Variants in ZNF385D observed in about 807,000 individuals in gnomAD.
ZNF385D encodes the protein zinc finger protein 659.
ZNF385D carries 15 observed loss-of-function variants against 35.8 expected under a neutral mutation model. The ratio of observed to expected loss-of-function variants is 0.42; its 90% CI spans 0.28 to 0.64. ZNF385D has a LOEUF of 0.64. ZNF385D is among the 30% of genes least tolerant of loss of function. ZNF385D has a pLI of 0.23. For synonymous variants in ZNF385D, 212 were observed against 186.8 expected (o/e 1.13, Z -1.10); for missense variants, 474 against 494.6 (o/e 0.96, Z 0.39).
chr3:21,921,997 G>C (rs184531923), intron 3 of ZNF385D, among the ~76,000 whole-genome samples: 1 of 152,116 alleles, frequency 6.6e-6, no homozygotes. Flanking sequence ...CTCATGTTAT[G>C]AAGGCACCAT....
chr3:21,865,804 T>G (rs1697316458), intron 3 of ZNF385D, among the ~76,000 whole-genome samples: 1 of 152,134 alleles, frequency 6.6e-6, no homozygotes, highest in African/African-American at 2.4e-5. Context: ...CTAGTTACTA[T>G]ATTCAAATGT....
In ZNF385D at chr3:22,181,405, T is replaced by C. The variant is rs756626674; in HGVS notation, c.107-12370A>G. 3.3e-5 allele frequency among the ~76,000 whole-genome samples: 5 copies of C among 151,870 alleles called. No homozygotes were observed. The South Asian group carries it at 1.0e-3, about 32-fold the overall frequency. ...GTAACTAGCTTCTACCAATAGAATA[T>C]GGTAAAGGTGGCCGGGCGCGGTGTC... On this transcript the variant is annotated intron_variant, in intron 2 of 5. Transcript: ENST00000494108.
intron 3 of ZNF385D, among the ~76,000 whole-genome samples, chr3:22,120,896 G>A (rs995890645): frequency 2.0e-5 from 3 of 152,114 alleles, no homozygotes; most frequent in Non-Finnish European, 1.5e-5. Context: ...TTTAATGGCA[G>A]AAGAGAACTT....
intron 3 of ZNF385D, among the ~76,000 whole-genome samples, chr3:22,059,881 A>G (rs1699604864): frequency 6.6e-6 from 1 of 152,194 alleles, no homozygotes; most frequent in African/African-American, 2.4e-5. Context: ...GACTCAGTAG[A>G]CTGAATAAAG....
chr3:22,099,639 G>A (rs1338186401), intron 3 of ZNF385D, among the ~76,000 whole-genome samples: 2 of 152,038 alleles, frequency 1.3e-5, no homozygotes, highest in African/African-American at 4.8e-5. Context: ...TGTGCCCACA[G>A]AGAATAAATG....
intron 2 of ZNF385D, among the ~76,000 whole-genome samples, chr3:22,205,366 A>C (rs181491778): frequency 9.2e-5 from 14 of 152,130 alleles, no homozygotes; most frequent in African/African-American, 3.1e-4. Flanking sequence ...AAGAAATGCT[A>C]TAAGAAGTTC....
chr3:21,527,285 G>C (rs1474419402), intron 3 of ZNF385D, among the ~76,000 whole-genome samples: 1 of 152,112 alleles, frequency 6.6e-6, no homozygotes, highest in Non-Finnish European at 1.5e-5. Context: ...TTCTTCATTT[G>C]ACGAAGATTT....
At chr3:21,819,019 G>T (rs1275295674) in intron 3 of ZNF385D, among the ~76,000 whole-genome samples, 2 of 151,918 alleles carry the variant, frequency 1.3e-5, no homozygotes, top group Non-Finnish European at 2.9e-5. Context: ...AAATTATTAT[G>T]AAGCAATTGA....
intron 2 of ZNF385D, among the ~76,000 whole-genome samples, chr3:22,301,728 G>T (rs955203850): frequency 2.6e-5 from 4 of 151,984 alleles, no homozygotes; most frequent in African/African-American, 9.7e-5. Context: ...GTGTCTGCAG[G>T]AAGCCATTAT....
intron 4 of ZNF385D, among the ~76,000 whole-genome samples, chr3:21,483,170 C>T (rs565336673): frequency 1.3e-5 from 2 of 152,220 alleles, no homozygotes; most frequent in South Asian, 2.1e-4. Flanking sequence ...ACCTCCAACC[C>T]TAAATCCTGG....
chr3:21,977,697 C>T (rs978873198), intron 3 of ZNF385D, among the ~76,000 whole-genome samples: 10 of 151,722 alleles, frequency 6.6e-5, no homozygotes, highest in African/African-American at 2.2e-4. Context: ...AATTAGCTGG[C>T]ATGGTGGGGC....
At chr3:21,726,073 A>G (rs753738990) in intron 1 of ZNF385D, among the ~76,000 whole-genome samples, 1 of 152,184 alleles carries the variant, frequency 6.6e-6, no homozygotes, top group Non-Finnish European at 1.5e-5. Flanking sequence ...CCAATGACAA[A>G]AACCACATGA....
rs113377602 is a variant in ZNF385D, at chr3:22,271,201, G to C, written c.106+101249C>G. ...TCATAATACATTGAGCATTGTCTTT[G>C]AGCTATTATAGTCAGGAGACAGCAA... is the stretch of plus-strand genomic sequence containing the variant. On this transcript the variant is annotated intron_variant, in intron 2 of 5. Transcript: ENST00000494108. 3.4e-3 allele frequency among the ~76,000 whole-genome samples: 491 copies of C among 143,332 alleles called. 3 individuals are homozygous for C. The Middle Eastern group carries it at 0.036, about 11-fold the overall frequency. 94.0% of individuals were successfully genotyped at this position (143,332 alleles called of 152,430 possible).
At chr3:22,159,507 C>A (rs932717641) in intron 3 of ZNF385D, among the ~76,000 whole-genome samples, 6 of 151,964 alleles carry the variant, frequency 3.9e-5, no homozygotes, top group African/African-American at 1.5e-4. Context: ...CAGGGTTTCT[C>A]AGGGACAGAG....
intron 2 of ZNF385D, among the ~76,000 whole-genome samples, chr3:22,252,889 G>A (rs1700133308): frequency 6.6e-6 from 1 of 152,074 alleles, no homozygotes; most frequent in Non-Finnish European, 1.5e-5. Flanking sequence ...CTGTAAAAAT[G>A]TTCCTTACTC....
upstream of ZNF385D, among the ~76,000 whole-genome samples, chr3:21,751,624 T>C (rs561037895): frequency 2.6e-5 from 4 of 152,178 alleles, no homozygotes; most frequent in Non-Finnish European, 4.4e-5. Flanking sequence ...GGGTTTGTTG[T>C]TATTTTTTGT....
intron 3 of ZNF385D, among the ~76,000 whole-genome samples, chr3:21,817,841 T>C (rs1486762646): frequency 6.6e-6 from 1 of 152,174 alleles, no homozygotes; most frequent in Non-Finnish European, 1.5e-5. Context: ...TCCAAAGGAT[T>C]ATACGTAAAT....
chr3:21,651,555 C>T (rs1453333571), intron 2 of ZNF385D, among the ~76,000 whole-genome samples: 1 of 147,292 alleles, frequency 6.8e-6, no homozygotes, highest in Non-Finnish European at 1.5e-5. Context: ...TTGGTAGTGA[C>T]GGTGGTGAAG....
At chr3:21,842,282 C>A (rs1695730542) in intron 3 of ZNF385D, among the ~76,000 whole-genome samples, 1 of 151,848 alleles carries the variant, frequency 6.6e-6, no homozygotes, top group Non-Finnish European at 1.5e-5. Context: ...ATTTAAAATA[C>A]CTCTCATTTT....
Sources: gnomAD v4.1 joint callset for allele counts (sites outside exome capture counted in the v4.1 genomes callset) on GRCh38, gnomAD v4.1.1 for gene constraint, MANE v1.5 for transcripts, NCBI Gene and HGNC (gene_info 2026-07-23, HGNC 2026-07-21) for gene names.